The following COA1 variants were observed in gnomAD, a reference collection of about 807,000 sequenced individuals.
COA1 encodes cytochrome c oxidase assembly factor 1.
In COA1, 13 loss-of-function variants were observed where a neutral mutation model predicts 16.0. That is an observed-to-expected ratio of 0.81 (90% confidence interval 0.53 to 1.29). The LOEUF (loss-of-function observed/expected upper bound fraction) is 1.29, where lower values mean the gene tolerates loss of function less well. Ranked by LOEUF, COA1 falls within the 50% of genes most tolerant of loss-of-function variation. COA1 has a pLI of 0.00. For missense variants in COA1, 179 were observed against 177.0 expected (o/e 1.01, Z -0.06); for synonymous variants, 65 against 65.7 (o/e 0.99, Z 0.05).
At chr7:43,622,367 G>C (rs192183685) in intron 6 of COA1, 1 of 152,068 alleles carries the variant, frequency 6.6e-6, no homozygotes, top group Non-Finnish European at 1.5e-5. Context: ...TTCTATGGGG[G>C]TTTGTCACAA....
chr7:43,709,863 G>C (rs1229832821), intron 1 of COA1, among the ~76,000 whole-genome samples: 1 of 152,026 alleles, frequency 6.6e-6, no homozygotes, highest in African/African-American at 2.4e-5. Context: ...AGCCTAGAAG[G>C]GGTACCTAAC....
At chr7:43,718,779 A>G (rs1053197018) in intron 1 of COA1, among the ~76,000 whole-genome samples, 1 of 152,144 alleles carries the variant, frequency 6.6e-6, no homozygotes, top group Non-Finnish European at 1.5e-5. Context: ...ATTGGTTCAT[A>G]GTTTTTCCCT....
At chr7:43,619,485 C>T in intron 6 of COA1, 4 of 1,307,522 alleles carry the variant, frequency 3.1e-6, no homozygotes, top group Non-Finnish European at 3.2e-6. Context: ...TGACTGTTTA[C>T]TGTTAAATTC....
At chr7:43,610,780 A>G (rs1211029741) in intron 6 of COA1, among the ~76,000 whole-genome samples, 1 of 152,142 alleles carries the variant, frequency 6.6e-6, no homozygotes, top group Non-Finnish European at 1.5e-5. Context: ...AATACTATAT[A>G]AATAACTGCT....
At chr7:43,719,801 A>C (rs2095470345) in intron 1 of COA1, among the ~76,000 whole-genome samples, 1 of 152,134 alleles carries the variant, frequency 6.6e-6, no homozygotes, top group South Asian at 2.1e-4. Context: ...CCTTGAATCT[A>C]TTCTCCCCAC....
downstream of COA1, among the ~76,000 whole-genome samples, chr7:43,635,274 G>T (rs1037411845): frequency 2.6e-5 from 4 of 152,120 alleles, no homozygotes; most frequent in Non-Finnish European, 5.9e-5. Flanking sequence ...AATAATTCCA[G>T]GATTTCCCGA....
At chr7:43,616,623 C>T (rs1312808189) in intron 6 of COA1, among the ~76,000 whole-genome samples, 3 of 152,112 alleles carry the variant, frequency 2.0e-5, no homozygotes, top group South Asian at 2.1e-4. Flanking sequence ...TCTGGCCGGG[C>T]GCGGTGGCTC....
At chr7:43,685,154 TAAAAAAAAA>T (rs35252235) in intron 1 of COA1, among the ~76,000 whole-genome samples, 2 of 127,128 alleles carry the variant, frequency 1.6e-5, no homozygotes, top group East Asian at 4.6e-4. Context: ...TCCCATCTCT[TAAAAAAAAA>T]AAAAAAAAAG....
At chr7:43,684,796 T>C (rs2093942005) in intron 1 of COA1, among the ~76,000 whole-genome samples, 2 of 152,162 alleles carry the variant, frequency 1.3e-5, no homozygotes, top group Admixed American at 6.5e-5. Flanking sequence ...CTTGACCAGA[T>C]CTGACACTTT....
At chr7:43,678,436 TATG>T (rs1187054853) in intron 1 of COA1, among the ~76,000 whole-genome samples, 3 of 152,290 alleles carry the variant, frequency 2.0e-5, no homozygotes, top group South Asian at 4.1e-4. Context: ...ATTACTTGGA[TATG>T]ATATCAAAAG....
In COA1 at chr7:43,652,898, G is replaced by C. The variant is rs976370491; in HGVS notation, c.-38-4246C>G. On this transcript the variant is annotated intron_variant, in intron 1 of 5. Coordinates refer to ENST00000223336, the MANE Select transcript of COA1 (RefSeq NM_018224.4). ...GGTGGGAGGGGGTGGGGGGACAGTG[G>C]AAAGATAGTACAGAGAATTATGCTT... 2.0e-5 allele frequency among the ~76,000 whole-genome samples: 3 copies of C among 151,688 alleles called. No individual in the cohort carries two copies. The East Asian group carries it at 5.8e-4, about 29-fold the overall frequency.
At chr7:43,628,354 C>A (rs2084819439) in intron 6 of COA1, among the ~76,000 whole-genome samples, 1 of 152,136 alleles carries the variant, frequency 6.6e-6, no homozygotes, top group Non-Finnish European at 1.5e-5. Flanking sequence ...ATGTAGCTAT[C>A]CTTCTGTTCA....
At chr7:43,696,368 A>G (rs1196113139) in intron 1 of COA1, among the ~76,000 whole-genome samples, 1 of 152,192 alleles carries the variant, frequency 6.6e-6, no homozygotes, top group Non-Finnish European at 1.5e-5. Flanking sequence ...CCATTGACAT[A>G]TGCGGAATAT....
chr7:43,669,093 C>G (rs2093079058), intron 1 of COA1, among the ~76,000 whole-genome samples: 1 of 152,114 alleles, frequency 6.6e-6, no homozygotes, highest in African/African-American at 2.4e-5. Context: ...TAGATCAACC[C>G]CAGGAGAAGC....
chr7:43,671,964 T>C (rs1231647790), intron 1 of COA1, among the ~76,000 whole-genome samples: 1 of 152,196 alleles, frequency 6.6e-6, no homozygotes, highest in Non-Finnish European at 1.5e-5. Flanking sequence ...CTTTTCTTTA[T>C]AAATTACCCA....
chr7:43,634,290 G>A (rs567626664), downstream of COA1, among the ~76,000 whole-genome samples: 4 of 152,260 alleles, frequency 2.6e-5, no homozygotes, highest in South Asian at 4.1e-4. Flanking sequence ...GGTTTGAGAC[G>A]CTGGACCTTG....
At chr7:43,702,186 C>T (rs946790727) in intron 1 of COA1, among the ~76,000 whole-genome samples, 8 of 151,988 alleles carry the variant, frequency 5.3e-5, no homozygotes, top group African/African-American at 1.7e-4. Flanking sequence ...ACAAAACCTA[C>T]GACATAACTG....
At chr7:43,712,830 A>G (rs1585365995) in intron 1 of COA1, among the ~76,000 whole-genome samples, 1 of 150,482 alleles carries the variant, frequency 6.6e-6, no homozygotes. Flanking sequence ...TTTCATTTCC[A>G]CTATCATGTT....
chr7:43,666,601 A>C (rs979608346), intron 1 of COA1, among the ~76,000 whole-genome samples: 1 of 152,242 alleles, frequency 6.6e-6, no homozygotes, highest in African/African-American at 2.4e-5. Context: ...AGTCTTAAGA[A>C]TTATTGGTAA....
Sources: gnomAD v4.1 joint callset for allele counts (sites outside exome capture counted in the v4.1 genomes callset) on GRCh38, gnomAD v4.1.1 for gene constraint, MANE v1.5 for transcripts, NCBI Gene and HGNC (gene_info 2026-07-23, HGNC 2026-07-21) for gene names.